The following DCTN2 variants were observed in gnomAD, a reference collection of about 807,000 sequenced individuals.
DCTN2 encodes dynactin subunit 2, also known as 50 kDa dynein-associated polypeptide.
In DCTN2, 18 loss-of-function variants were observed where a neutral mutation model predicts 55.4. The observed-to-expected ratio is 0.32, with a 90% CI of 0.22 to 0.48. The LOEUF (loss-of-function observed/expected upper bound fraction) is 0.48, where lower values mean the gene tolerates loss of function less well. Among genes scored for constraint, DCTN2 ranks in the 20% least tolerant of loss-of-function variants. The probability of loss-of-function intolerance (pLI) is 0.99; values close to 1 mark genes in which losing one functional copy is unlikely to be tolerated. For synonymous variants in DCTN2, 168 were observed against 185.2 expected (o/e 0.91, Z 0.76); for missense variants, 390 against 491.0 (o/e 0.79, Z 1.94).
rs1329876213 is a variant in DCTN2, at chr12:57,544,730, T to G, written c.105+1298A>C. ...TTAAAAAATATTTTCCATTTGTGAT[T>G]GGTTGAATCCATGGGTTTGGAACCC... On this transcript the variant is annotated intron_variant, in intron 2 of 13. Transcript: ENST00000548249. Among the ~76,000 whole-genome samples, 3 of 152,308 alleles carry G rather than the reference T, an allele frequency of 2.0e-5. No individual in the cohort carries two copies. The East Asian group carries it at 5.8e-4, about 29-fold the overall frequency.
At chr12:57,545,414 C>T (rs1355116221) in intron 2 of DCTN2, among the ~76,000 whole-genome samples, 2 of 152,152 alleles carry the variant, frequency 1.3e-5, no homozygotes, top group Non-Finnish European at 2.9e-5. Flanking sequence ...AGAATGAACA[C>T]ACTCAATAAA....
intron 2 of DCTN2, among the ~76,000 whole-genome samples, chr12:57,536,474 C>T (rs1024980312): frequency 6.6e-6 from 1 of 152,232 alleles, no homozygotes; most frequent in Non-Finnish European, 1.5e-5. Context: ...ACTGGATTAT[C>T]TTTATGGGAC....
intron 2 of DCTN2, among the ~76,000 whole-genome samples, chr12:57,539,513 TC>T (rs1880521249): frequency 6.6e-6 from 1 of 152,294 alleles, no homozygotes; most frequent in Admixed American, 6.5e-5. Flanking sequence ...GGCTCCCACT[TC>T]CGGGCAAGGC....
At position 57,532,793 on chromosome 12, in the gene DCTN2, C is replaced by G; in HGVS notation, c.792G>C (p.Leu264Phe). 1 of 1,613,984 alleles carries G rather than the reference C, an allele frequency of 6.2e-7. No individual in the cohort carries two copies. Among genetic ancestry groups the G allele is most frequent in the Non-Finnish European group, 8.5e-7 (1 of 1,179,894 alleles). Residue 264 changes from leucine to phenylalanine, a missense_variant, in exon 10 of 14, where the codon TTG becomes TTC. Coordinates refer to ENST00000548249, the MANE Select transcript of DCTN2 (RefSeq NM_001261413.2). ...GACLMETVEL[L>F]QAKVSALDLA... The stretch of plus-strand genomic sequence containing the variant: ...GGTCTAGGGCGCTCACCTTTGCTTG[C>G]AACAGCTCTACAGTCTCCTGGGGAT...
chr12:57,539,682 C>T (rs1282595348), intron 2 of DCTN2, among the ~76,000 whole-genome samples: 1 of 152,130 alleles, frequency 6.6e-6, no homozygotes, highest in Non-Finnish European at 1.5e-5. Context: ...ATCCAGATAC[C>T]TCTTAATCAC....
chr12:57,544,804 G>C (rs1445458951), intron 2 of DCTN2, among the ~76,000 whole-genome samples: 1 of 152,130 alleles, frequency 6.6e-6, no homozygotes, highest in African/African-American at 2.4e-5. Context: ...TGAGGACAGA[G>C]GCAGCTTCCT....
rs184112725 is a variant in DCTN2, at chr12:57,533,923, C to G, written c.669+30G>C. ...TCTCTAGGGTCACATCTCCCCTTGG[C>G]TTCCCAACCAACACTGTATCCACAC... is the stretch of plus-strand genomic sequence containing the variant. On this transcript the variant is annotated intron_variant, in intron 7 of 13. Transcript: ENST00000548249. The G allele has an allele frequency of 3.2e-6, 5 of 1,567,024 alleles. No individual in the cohort carries two copies. The East Asian group carries it at 1.1e-4, about 36-fold the overall frequency.
At chr12:57,546,497 T>G (rs1565686247) in intron 1 of DCTN2, among the ~76,000 whole-genome samples, 1 of 152,072 alleles carries the variant, frequency 6.6e-6, no homozygotes, top group African/African-American at 2.4e-5. Flanking sequence ...AACCCTCACC[T>G]TGAGAAGCAG....
rs1359901571 is a variant in DCTN2, at chr12:57,532,781, C to G, written c.804G>C (p.Val268=). 1.2e-6 allele frequency: 2 copies of G among 1,613,880 alleles called. No individual in the cohort carries two copies. Among genetic ancestry groups the G allele is most frequent in the Non-Finnish European group, 1.7e-6 (2 of 1,179,912 alleles). The change falls in exon 10 of 14, where the codon GTG becomes GTC. Residue 268 remains valine (V), a synonymous_variant. Coordinates refer to ENST00000548249, the MANE Select transcript of DCTN2 (RefSeq NM_001261413.2). ...METVELLQAK[V]SALDLAVLDQ... ...CCAAAACTGCAAGGTCTAGGGCGCT[C>G]ACCTTTGCTTGCAACAGCTCTACAG... is the stretch of plus-strand genomic sequence containing the variant.
At chr12:57,541,325 G>GA in intron 2 of DCTN2, 5 of 1,596,836 alleles carry the variant, frequency 3.1e-6, no homozygotes, top group Non-Finnish European at 3.4e-6. Flanking sequence ...GATGGCAGAT[G>GA]AAAAAAACAT....
rs769028915 is a variant in DCTN2, at chr12:57,532,069, G to A, written c.1065C>T (p.Thr355=). 2 of 1,565,424 alleles carry A rather than the reference G, an allele frequency of 1.3e-6. No homozygotes were observed. The highest frequency in any genetic ancestry group is 1.7e-6 in the Non-Finnish European group (2 of 1,154,222). The change falls in exon 13 of 14, where the codon ACC becomes ACT. Residue 355 remains threonine, a synonymous_variant. Transcript: ENST00000548249. ...QFGQLLTHLD[T]TQQMIANSLK... ...AGGAATTAGCAATCATCTGCTGGGT[G>A]GTATCCAAGTGTGTCAGGAGCTGAC...
chr12:57,544,456 C>T (rs1201026652), intron 2 of DCTN2, among the ~76,000 whole-genome samples: 1 of 150,382 alleles, frequency 6.6e-6, no homozygotes, highest in Non-Finnish European at 1.5e-5. Context: ...GCTCTGTCAC[C>T]CAGGCTGGGG....
intron 2 of DCTN2, chr12:57,541,455 C>T: frequency 6.6e-6 from 9 of 1,365,240 alleles, no homozygotes; most frequent in Non-Finnish European, 9.3e-6. Flanking sequence ...CGCCAACAGT[C>T]AATGAACACA....
At chr12:57,534,870 A>G in intron 5 of DCTN2, 186 bp downstream of exon 5, 2 of 520,440 alleles carry the variant, frequency 3.8e-6, no homozygotes, top group South Asian at 2.3e-5. Flanking sequence ...GGGTTTCATC[A>G]TGTTGGCCTG....
rs760952204 is a variant in DCTN2, at chr12:57,532,824, T to G, written c.775-14A>C. ...CTCTACAGTCTCCTGGGGATGGAAGTTGGGACAAGCATCATGAAGAGGAAA... is the reference window on the plus strand; with the variant it reads ...CTCTACAGTCTCCTGGGGATGGAAGGTGGGACAAGCATCATGAAGAGGAAA... On this transcript the variant is annotated splice_polypyrimidine_tract_variant and intron_variant, in intron 9 of 13. Coordinates refer to ENST00000548249, the MANE Select transcript of DCTN2 (RefSeq NM_001261413.2). 114 of 1,613,728 alleles carry G rather than the reference T, an allele frequency of 7.1e-5. 3 individuals carry two copies. The Admixed American group carries it at 1.8e-3, about 26-fold the overall frequency.
intron 7 of DCTN2, 61 bp downstream of exon 7, chr12:57,533,892 G>A: frequency 1.3e-6 from 2 of 1,510,146 alleles, no homozygotes; most frequent in Non-Finnish European, 1.8e-6. Flanking sequence ...GAGAGAGGCA[G>A]GAAAATCTCT....
In DCTN2 at chr12:57,536,716, T is replaced by C. The variant is rs80240506; in HGVS notation, c.106-871A>G. On this transcript the variant is annotated intron_variant, in intron 2 of 13. Transcript: ENST00000548249. ...CACCCTAGAAACTGAAGCAGAGAGG[T>C]TCCCTCCTTACTAGATATCTACATG... Among the ~76,000 whole-genome samples, 1,315 of 152,028 alleles carry C rather than the reference T, an allele frequency of 8.6e-3. 22 individuals are homozygous for C. Among genetic ancestry groups the C allele is most frequent in the African/African-American group, 0.03 (1,255 of 41,458 alleles).
chr12:57,537,405 T>A (rs1880333703), intron 2 of DCTN2, among the ~76,000 whole-genome samples: 1 of 149,126 alleles, frequency 6.7e-6, no homozygotes, highest in South Asian at 2.1e-4. Context: ...TTCTAGAGAT[T>A]CTAATGAATT....
chr12:57,536,694 C>T (rs1022109785), intron 2 of DCTN2, among the ~76,000 whole-genome samples: 1 of 152,124 alleles, frequency 6.6e-6, no homozygotes. Context: ...GAGACTTCAC[C>T]CTAGAAACTG....
Sources: allele counts gnomAD v4.1 joint callset (sites outside exome capture counted in the v4.1 genomes callset), GRCh38; gene constraint gnomAD v4.1.1; transcripts MANE v1.5; gene names NCBI Gene and HGNC (gene_info 2026-07-23, HGNC 2026-07-21).